C5: variants seen among roughly 807,000 people sequenced by gnomAD.
The protein encoded by C5 is C3 and PZP-like alpha-2-macroglobulin domain-containing protein 4.
C5 carries 140 observed loss-of-function variants against 218.8 expected under a neutral mutation model. That is an observed-to-expected ratio of 0.64 (90% CI 0.56 to 0.74). The LOEUF (loss-of-function observed/expected upper bound fraction) is 0.74, where lower values mean the gene tolerates loss of function less well. Ranked by LOEUF, C5 falls within the 30% of genes least tolerant of loss-of-function variation. The pLI is 0.00. For missense variants in C5, 1,700 were observed against 1,969.6 expected (o/e 0.86, Z 2.59); for synonymous variants, 614 against 682.3 (o/e 0.90, Z 1.56).
intron 22 of C5, among the ~76,000 whole-genome samples, chr9:120,993,099 CAAT>C (rs1280900021): frequency 6.6e-6 from 1 of 152,098 alleles, no homozygotes. Context: ...CAAATTAAAA[CAAT>C]AATGAGATAG....
At chr9:121,044,803 G>T (rs1393266241) in intron 2 of C5, among the ~76,000 whole-genome samples, 2 of 152,108 alleles carry the variant, frequency 1.3e-5, no homozygotes, top group Admixed American at 6.5e-5. Flanking sequence ...AGCTACCTGG[G>T]GCTATTTGAA....
chr9:120,970,947 G>A (rs1032418063), intron 31 of C5, among the ~76,000 whole-genome samples: 8 of 152,256 alleles, frequency 5.3e-5, no homozygotes, highest in African/African-American at 1.4e-4. Context: ...CAAGGTGGAC[G>A]GATCACTTGA....
At chr9:120,994,699 C>T (rs1346503631) in intron 22 of C5, among the ~76,000 whole-genome samples, 2 of 151,950 alleles carry the variant, frequency 1.3e-5, no homozygotes, top group Non-Finnish European at 2.9e-5. Context: ...AGGAAAGCTG[C>T]CTAAACCCAA....
intron 3 of C5, among the ~76,000 whole-genome samples, chr9:121,042,293 C>A (rs2047588259): frequency 6.6e-6 from 1 of 152,184 alleles, no homozygotes; most frequent in African/African-American, 2.4e-5. Flanking sequence ...TCCAGTCATT[C>A]CTATTCACAT....
At chr9:121,052,517 G>T (rs1208759710), upstream of C5, among the ~76,000 whole-genome samples, 2 of 150,048 alleles carry the variant, frequency 1.3e-5, no homozygotes, top group Non-Finnish European at 3.0e-5. Context: ...CCTTTGGTAA[G>T]CCTTTCATTT....
rs557099709 is a variant in C5 at position 121,043,287 on chromosome 9, A to C, written c.259-121T>G. The C allele has an allele frequency of 2.1e-5, 18 of 837,522 alleles. No individual in the cohort carries two copies. The Admixed American group carries it at 3.1e-4, about 15-fold the overall frequency. The allele number at this position is 837,522 out of a possible 1,614,324, so 51.9% of individuals were successfully genotyped here. A position where few individuals can be genotyped will look rare whatever the true frequency, so the allele number is the denominator to read the frequency against. On this transcript the variant is annotated intron_variant, in intron 2 of 40. Transcript: ENST00000223642. ...AGTATGTATATGTAATCATTTAAAA[A>C]GTGATACAGGAGCAAGAAGAGTAAA...
intron 33 of C5, among the ~76,000 whole-genome samples, chr9:120,964,444 C>T (rs1443207129): frequency 6.6e-6 from 1 of 152,174 alleles, no homozygotes; most frequent in African/African-American, 2.4e-5. Flanking sequence ...TCAGCCTGGA[C>T]GACAGAGTGA....
intron 19 of C5, among the ~76,000 whole-genome samples, chr9:121,006,668 C>T (rs2131739912): frequency 6.6e-6 from 1 of 151,734 alleles, no homozygotes; most frequent in African/African-American, 2.4e-5. Flanking sequence ...CATAGCGAGA[C>T]CCCTTCTTCA....
chr9:121,060,519 T>G, the C5 span, among the ~76,000 whole-genome samples: 2 of 152,204 alleles, frequency 1.3e-5, no homozygotes, highest in African/African-American at 4.8e-5. Flanking sequence ...CCAACTCTTT[T>G]CTTTCTGCTT....
intron 5 of C5, among the ~76,000 whole-genome samples, chr9:121,034,226 A>G (rs902171430): frequency 6.6e-6 from 1 of 152,152 alleles, no homozygotes; most frequent in Admixed American, 6.5e-5. Context: ...GGCCTATTAC[A>G]AATTTCTTGA....
chr9:121,031,688 G>C (rs1398818821), intron 6 of C5, among the ~76,000 whole-genome samples: 3 of 152,106 alleles, frequency 2.0e-5, no homozygotes, highest in African/African-American at 4.8e-5. Context: ...ATACGTACAG[G>C]CTGCCTCATC....
chr9:121,050,887 G>A (rs148922946), upstream of C5, among the ~76,000 whole-genome samples: 58 of 152,184 alleles, frequency 3.8e-4, no homozygotes, highest in African/African-American at 1.2e-3. Flanking sequence ...GGATGCTGTC[G>A]TCATTCTCTA....
intron 25 of C5, among the ~76,000 whole-genome samples, chr9:120,984,714 C>CTTTTTTT (rs149222003): frequency 2.9e-5 from 2 of 69,212 alleles, no homozygotes; most frequent in African/African-American, 6.3e-5. Context: ...TAAGCTCTTA[C>CTTTTTTT]TTTTTTTTTT....
intron 7 of C5, among the ~76,000 whole-genome samples, chr9:121,028,492 C>T (rs749149944): frequency 2.0e-5 from 3 of 152,198 alleles, no homozygotes; most frequent in African/African-American, 7.2e-5. Flanking sequence ...GGCACATATA[C>T]ACCATGGAAT....
rs56040400 is a variant in C5 at position 120,997,683 on chromosome 9, C to T, written c.2654G>A (p.Arg885His). The T allele has an allele frequency of 2.9e-4, 476 of 1,614,102 alleles. 4 individuals are homozygous for T. The East Asian group carries it at 9.6e-3, about 33-fold the overall frequency. Reference sequence around the variant, plus strand: ...ACTGGAGGAGCCCTCTACTTTCTGGCGCACACATTTGGAGGACTTTGTGCC... The same window carrying T: ...ACTGGAGGAGCCCTCTACTTTCTGGTGCACACATTTGGAGGACTTTGTGCC... ...HQGTKSSKCVRQKVEGSSSHL... is the reference protein window; with the variant it reads ...HQGTKSSKCVHQKVEGSSSHL... Residue 885 changes from arginine (R) to histidine (H), a missense_variant, in exon 21 of 41, where the codon CGC becomes CAC. Physicochemically the swap from Arg to His is conservative, Grantham distance 29. Transcript: ENST00000223642.
Position 121,016,173 on chromosome 9 carries a change from T to G in C5, c.1996+81A>C. 3.2e-6 allele frequency: 5 copies of G among 1,547,126 alleles called. No individual in the cohort carries two copies. The Admixed American group carries it at 8.3e-5, about 26-fold the overall frequency. On this transcript the variant is annotated intron_variant, in intron 15 of 40. Transcript: ENST00000223642. ...CATTCTAAGATCAGGGTACAGAATATTTGGGAAGAAGGATAAAAATGAGAT... is the reference window on the plus strand; with the variant it reads ...CATTCTAAGATCAGGGTACAGAATAGTTGGGAAGAAGGATAAAAATGAGAT...
Position 120,976,895 on chromosome 9 carries a change from G to T in C5, c.3669C>A (p.Pro1223=), listed in dbSNP as rs140611859. The T allele has an allele frequency of 3.0e-5, 48 of 1,613,440 alleles. No homozygotes were observed. In the African/African-American group the frequency reaches 5.5e-4, roughly 18 times the overall value. ...GATTGTCTTTCCAAAAACGATAAAT[G>T]GGTGGATTACCTGAACATCAACAAA... is the stretch of plus-strand genomic sequence containing the variant. ...KREALVKGNP[P]IYRFWKDNLQ... is the part of the protein sequence containing the mutation. Residue 1223 remains proline (P), a synonymous_variant, in exon 29 of 41, where the codon CCC becomes CCA. Transcript: ENST00000223642.
intron 39 of C5, 87 bp downstream of exon 39, chr9:120,957,198 A>G: frequency 2.2e-6 from 2 of 900,350 alleles, no homozygotes; most frequent in Non-Finnish European, 3.7e-6. Context: ...TTTGAGTTGT[A>G]TCTTCTGTGT....
chr9:121,024,396 A>T (rs2047401523), intron 9 of C5, among the ~76,000 whole-genome samples: 1 of 147,190 alleles, frequency 6.8e-6, no homozygotes, highest in East Asian at 2.1e-4. Context: ...ATGACCAGAC[A>T]ACTGGCAAGA....
Sources: gnomAD v4.1 joint callset for allele counts (sites outside exome capture counted in the v4.1 genomes callset) on GRCh38, gnomAD v4.1.1 for gene constraint, MANE v1.5 for transcripts, NCBI Gene and HGNC (gene_info 2026-07-23, HGNC 2026-07-21) for gene names.